GRIA1: variants seen among roughly 807,000 people sequenced by gnomAD.
The protein encoded by GRIA1 is glutamate receptor 1.
Under a neutral mutation model 99.2 loss-of-function variants are expected in GRIA1, and 31 were observed. The observed-to-expected ratio is 0.31, with a 90% confidence interval of 0.23 to 0.42. The LOEUF (loss-of-function observed/expected upper bound fraction) is 0.42, where lower values mean the gene tolerates loss of function less well. GRIA1 is among the 10% of genes least tolerant of loss of function. GRIA1 has a pLI of 1.00. For synonymous variants in GRIA1, 438 were observed against 432.4 expected, an observed-to-expected ratio of 1.01 and a Z score of -0.16; for missense variants, 782 against 1,157.5, an observed-to-expected ratio of 0.68 and a Z score of 4.71.
At chr5:153,549,163 G>A (rs1051668076) in intron 2 of GRIA1, among the ~76,000 whole-genome samples, 2 of 152,130 alleles carry the variant, frequency 1.3e-5, no homozygotes, top group Non-Finnish European at 2.9e-5. Flanking sequence ...TTAAAACCTG[G>A]TTCTTTCAAC....
chr5:153,491,113 T>C (rs765079299), intron 1 of GRIA1, 143 bp downstream of exon 1: 2 of 1,029,678 alleles, frequency 1.9e-6, no homozygotes, highest in Non-Finnish European at 2.9e-6. Flanking sequence ...AAGGGAGACT[T>C]GGGCTTACAG....
intron 10 of GRIA1, among the ~76,000 whole-genome samples, chr5:153,701,414 A>T (rs1236430371): frequency 4.0e-5 from 6 of 151,876 alleles, no homozygotes. Flanking sequence ...GGAGATCTAG[A>T]CCATCCTGGC....
At chr5:153,603,259 T>G (rs1050849232) in intron 2 of GRIA1, among the ~76,000 whole-genome samples, 2 of 152,200 alleles carry the variant, frequency 1.3e-5, no homozygotes, top group Non-Finnish European at 2.9e-5. Context: ...AACTCATCAT[T>G]TTTTAAGGCT....
At chr5:153,760,880 T>C (rs1763138482) in intron 11 of GRIA1, among the ~76,000 whole-genome samples, 1 of 152,042 alleles carries the variant, frequency 6.6e-6, no homozygotes, top group Admixed American at 6.6e-5. Flanking sequence ...AATCTACACA[T>C]TTACAGCCAA....
chr5:153,791,955 G>A (rs2149656095), intron 13 of GRIA1, among the ~76,000 whole-genome samples: 1 of 151,336 alleles, frequency 6.6e-6, no homozygotes, highest in African/African-American at 2.4e-5. Flanking sequence ...AATAAATGTT[G>A]TACTCCCACA....
chr5:153,531,669 G>T (rs1229649072), intron 2 of GRIA1, among the ~76,000 whole-genome samples: 2 of 152,196 alleles, frequency 1.3e-5, no homozygotes, highest in African/African-American at 4.8e-5. Flanking sequence ...GAAGATGGAA[G>T]ATCAGTTGGT....
At chr5:153,711,980 G>T (rs764732280) in intron 11 of GRIA1, among the ~76,000 whole-genome samples, 3 of 152,150 alleles carry the variant, frequency 2.0e-5, no homozygotes, top group African/African-American at 7.2e-5. Context: ...AGTCTAAGGC[G>T]GGGGGAGTGA....
intron 7 of GRIA1, among the ~76,000 whole-genome samples, chr5:153,685,315 G>T (rs1392625690): frequency 6.6e-6 from 1 of 152,180 alleles, no homozygotes; most frequent in Non-Finnish European, 1.5e-5. Context: ...GTCACCTACA[G>T]AGCAGCAAGC....
chr5:153,769,378 A>G (rs557774448), intron 12 of GRIA1, among the ~76,000 whole-genome samples: 2 of 152,172 alleles, frequency 1.3e-5, no homozygotes, highest in South Asian at 2.1e-4. Flanking sequence ...GAGTCTAAAA[A>G]CCATTGCCTT....
intron 15 of GRIA1, among the ~76,000 whole-genome samples, chr5:153,807,374 G>A (rs1766505102): frequency 6.6e-6 from 1 of 152,226 alleles, no homozygotes; most frequent in Admixed American, 6.5e-5. Flanking sequence ...CATGTTCAAT[G>A]AGTGTTAGTG....
At chr5:153,643,808 T>C (rs757602971) in intron 2 of GRIA1, among the ~76,000 whole-genome samples, 1 of 152,174 alleles carries the variant, frequency 6.6e-6, no homozygotes, top group Admixed American at 6.5e-5. Context: ...AATGAGGAGA[T>C]AATTTGAAGG....
rs186328571 is a variant in GRIA1, at chr5:153,522,496, A to C, written c.220+28431A>C. 1.7e-3 allele frequency among the ~76,000 whole-genome samples: 262 copies of C among 152,334 alleles called. 5 individuals carry two copies. Among genetic ancestry groups the C allele is most frequent in the Non-Finnish European group, 2.8e-4 (19 of 68,036 alleles). On this transcript the variant is annotated intron_variant, in intron 2 of 15. Coordinates refer to ENST00000285900, the MANE Select transcript of GRIA1 (RefSeq NM_000827.4). ...TTAGGCCAGGTTATACCACAGTAAC[A>C]AATGACCCCCAAACTTCCATGGGCT...
At chr5:153,717,318 A>G (rs1208929076) in intron 11 of GRIA1, among the ~76,000 whole-genome samples, 1 of 152,156 alleles carries the variant, frequency 6.6e-6, no homozygotes, top group Non-Finnish European at 1.5e-5. Context: ...GAAAGATGAA[A>G]TAAGATTTTT....
chr5:153,804,732 A>AATTTATTT (rs201693712), intron 15 of GRIA1, among the ~76,000 whole-genome samples: 243 of 76,118 alleles, frequency 3.2e-3, no homozygotes, highest in African/African-American at 5.5e-3. Context: ...TTAATTAATT[A>AATTTATTT]ATTTATTTAT....
At chr5:153,777,787 T>A (rs1208837145) in intron 13 of GRIA1, among the ~76,000 whole-genome samples, 1 of 152,144 alleles carries the variant, frequency 6.6e-6, no homozygotes, top group Non-Finnish European at 1.5e-5. Flanking sequence ...GCCCTAATAT[T>A]TCTTTTTCTC....
At chr5:153,588,121 A>G (rs1763651537) in intron 2 of GRIA1, among the ~76,000 whole-genome samples, 1 of 152,234 alleles carries the variant, frequency 6.6e-6, no homozygotes, top group African/African-American at 2.4e-5. Flanking sequence ...AGTGAAAAGC[A>G]GGTTGGTTTG....
chr5:153,685,294 G>A (rs1352486269), intron 7 of GRIA1, among the ~76,000 whole-genome samples: 1 of 152,122 alleles, frequency 6.6e-6, no homozygotes, highest in African/African-American at 2.4e-5. Flanking sequence ...GGTCTTGGAT[G>A]ACATTTATCA....
At chr5:153,656,908 G>A (rs562593791) in intron 5 of GRIA1, among the ~76,000 whole-genome samples, 81 of 152,114 alleles carry the variant, frequency 5.3e-4, no homozygotes, top group Admixed American at 1.4e-3. Flanking sequence ...CTTTCTATCC[G>A]TATGTATTTG....
intron 2 of GRIA1, among the ~76,000 whole-genome samples, chr5:153,541,947 A>AAC (rs1165173293): frequency 2.6e-5 from 4 of 150,944 alleles, no homozygotes; most frequent in Non-Finnish European, 4.4e-5. Context: ...AAAAAAAAAA[A>AAC]AAAAACAAGA....
Sources: gnomAD v4.1 joint callset for allele counts (sites outside exome capture counted in the v4.1 genomes callset) on GRCh38, gnomAD v4.1.1 for gene constraint, MANE v1.5 for transcripts, NCBI Gene and HGNC (gene_info 2026-07-23, HGNC 2026-07-21) for gene names.